The following HUNK variants were observed in gnomAD, a reference collection of about 807,000 sequenced individuals.
HUNK encodes hormonally up-regulated neu tumor-associated kinase.
HUNK carries 21 observed loss-of-function variants against 61.0 expected under a neutral mutation model. The observed-to-expected ratio is 0.34, with a 90% CI of 0.24 to 0.50. The LOEUF (loss-of-function observed/expected upper bound fraction) is 0.50, where lower values mean the gene tolerates loss of function less well. Ranked by LOEUF, HUNK falls within the 20% of genes least tolerant of loss-of-function variation. The pLI is 0.98. For missense variants in HUNK, 772 were observed against 945.7 expected (o/e 0.82, Z 2.41); for synonymous variants, 371 against 386.1 (o/e 0.96, Z 0.46).
chr21:31,923,430 C>T (rs917617061), intron 1 of HUNK, among the ~76,000 whole-genome samples: 11 of 147,342 alleles, frequency 7.5e-5, no homozygotes, highest in Admixed American at 2.7e-4. Context: ...CAGAGAGACT[C>T]TGTCAAGAAG....
At chr21:31,907,073 G>C (rs2052511065) in intron 1 of HUNK, among the ~76,000 whole-genome samples, 1 of 152,126 alleles carries the variant, frequency 6.6e-6, no homozygotes, top group South Asian at 2.1e-4. Context: ...TACTTGGGAG[G>C]CTGAGGCAGG....
At chr21:31,956,353 A>G (rs1223438774) in intron 4 of HUNK, among the ~76,000 whole-genome samples, 2 of 152,284 alleles carry the variant, frequency 1.3e-5, no homozygotes, top group South Asian at 2.1e-4. Flanking sequence ...CCCAGCAACA[A>G]CTTTGTGGGA....
At position 31,972,494 on chromosome 21, in the gene HUNK, A is replaced by G. The variant is rs555235468; in HGVS notation, c.1011-2061A>G. The stretch of plus-strand genomic sequence containing the variant: ...GAGCTCGTTTTTGAAGATACTGGAC[A>G]TAAAAGGCAGAGATGGGGTGTCTGC... On this transcript the variant is annotated intron_variant, in intron 6 of 10. Transcript: ENST00000270112. Among the ~76,000 whole-genome samples, 4 of 152,280 alleles carry G rather than the reference A, an allele frequency of 2.6e-5. No homozygotes were observed. In the East Asian group the frequency reaches 7.7e-4, roughly 29 times the overall value.
chr21:31,884,773 T>A (rs1358589039), intron 1 of HUNK, among the ~76,000 whole-genome samples: 2 of 151,466 alleles, frequency 1.3e-5, no homozygotes, highest in East Asian at 3.9e-4. Flanking sequence ...AAGACACGTC[T>A]CTTCTTTTTT....
At chr21:31,967,227 T>C (rs1336744940) in intron 5 of HUNK, among the ~76,000 whole-genome samples, 1 of 152,062 alleles carries the variant, frequency 6.6e-6, no homozygotes, top group Non-Finnish European at 1.5e-5. Context: ...GGTGCATGCC[T>C]GTAGTCTCAC....
intron 9 of HUNK, 51 bp from the exon 10 acceptor site, chr21:31,995,717 T>C (rs1202630726): frequency 2.8e-6 from 4 of 1,428,804 alleles, no homozygotes; most frequent in Non-Finnish European, 2.9e-6. Context: ...AGGAATCCCA[T>C]TGTGTCTTCT....
chr21:31,910,753 T>C (rs1290028292), intron 1 of HUNK, among the ~76,000 whole-genome samples: 1 of 152,204 alleles, frequency 6.6e-6, no homozygotes, highest in Non-Finnish European at 1.5e-5. Context: ...CCTCCCAAAG[T>C]GCTGGGCAGG....
At chr21:31,950,205 G>A (rs2052840010) in intron 4 of HUNK, among the ~76,000 whole-genome samples, 2 of 152,344 alleles carry the variant, frequency 1.3e-5, no homozygotes, top group South Asian at 4.1e-4. Flanking sequence ...GGGATTCAGG[G>A]AACAAGATGG....
At chr21:31,910,290 G>A (rs1237945792) in intron 1 of HUNK, among the ~76,000 whole-genome samples, 1 of 151,930 alleles carries the variant, frequency 6.6e-6, no homozygotes, top group East Asian at 1.9e-4. Context: ...GCTGACTGAA[G>A]GCTGCCCTCC....
chr21:31,907,887 G>A (rs2052517389), intron 1 of HUNK, among the ~76,000 whole-genome samples: 1 of 152,120 alleles, frequency 6.6e-6, no homozygotes, highest in Non-Finnish European at 1.5e-5. Flanking sequence ...CTACTAGGGA[G>A]GCTGAGGTGG....
intron 4 of HUNK, among the ~76,000 whole-genome samples, chr21:31,957,360 T>TGGAACTAACTCCACTGTGAGTG (rs2052896499): frequency 6.6e-6 from 1 of 152,232 alleles, no homozygotes; most frequent in Non-Finnish European, 1.5e-5. Flanking sequence ...ACTGTGAGTT[T>TGGAACTAACTCCACTGTGAGTG]GGAACTAACT....
chr21:31,952,393 C>G (rs913470408), intron 4 of HUNK, among the ~76,000 whole-genome samples: 1 of 152,190 alleles, frequency 6.6e-6, no homozygotes, highest in African/African-American at 2.4e-5. Flanking sequence ...TGGCTGCACT[C>G]TGTGTAAACT....
intron 3 of HUNK, among the ~76,000 whole-genome samples, chr21:31,941,026 T>A (rs1301918249): frequency 6.6e-6 from 1 of 152,208 alleles, no homozygotes; most frequent in East Asian, 1.9e-4. Flanking sequence ...AAGGAACTTT[T>A]GTTTGACAAA....
intron 1 of HUNK, among the ~76,000 whole-genome samples, chr21:31,883,879 TG>T (rs1463929349): frequency 1.3e-5 from 2 of 152,214 alleles, no homozygotes; most frequent in Admixed American, 1.3e-4. Context: ...TTAACACCGG[TG>T]CCAGTTGGGC....
At chr21:31,886,691 C>T (rs946624578) in intron 1 of HUNK, among the ~76,000 whole-genome samples, 4 of 151,632 alleles carry the variant, frequency 2.6e-5, no homozygotes, top group Non-Finnish European at 5.9e-5. Context: ...GACAGTTCCG[C>T]TCTTGTTGCC....
intron 4 of HUNK, among the ~76,000 whole-genome samples, chr21:31,947,922 A>G (rs1164366776): frequency 6.6e-6 from 1 of 152,202 alleles, no homozygotes; most frequent in Admixed American, 6.5e-5. Context: ...GCATCTCTTC[A>G]TATTCACTGT....
At chr21:31,983,646 G>A in intron 8 of HUNK, 37 bp downstream of exon 8, 1 of 1,436,516 alleles carries the variant, frequency 7.0e-7, no homozygotes, top group Non-Finnish European at 9.7e-7. Flanking sequence ...GGGTCTCTTA[G>A]GAAGGGTGGA....
chr21:31,925,479 A>C (rs2052653528), intron 2 of HUNK, among the ~76,000 whole-genome samples: 1 of 152,232 alleles, frequency 6.6e-6, no homozygotes, highest in Non-Finnish European at 1.5e-5. Context: ...GCCAGTGTTA[A>C]AATGGCATGA....
chr21:31,995,664 A>G, intron 9 of HUNK, 104 bp from the exon 10 acceptor site: 2 of 919,846 alleles, frequency 2.2e-6, no homozygotes, highest in Non-Finnish European at 3.4e-6. Flanking sequence ...TAGAGTATTG[A>G]AAAGGTGGAG....
Sources: allele counts gnomAD v4.1 joint callset (sites outside exome capture counted in the v4.1 genomes callset), GRCh38; gene constraint gnomAD v4.1.1; transcripts MANE v1.5; gene names NCBI Gene and HGNC (gene_info 2026-07-23, HGNC 2026-07-21).